MYO1H: variants seen among roughly 807,000 people sequenced by gnomAD.
The protein encoded by MYO1H is myosin IH, also known as unconventional myosin-Ih.
Under a neutral mutation model 149.3 loss-of-function variants are expected in MYO1H, and 118 were observed. The ratio of observed to expected loss-of-function variants is 0.79; its 90% confidence interval spans 0.68 to 0.92. MYO1H has a LOEUF of 0.92. Ranked by LOEUF, MYO1H falls within the 40% of genes least tolerant of loss-of-function variation. MYO1H has a pLI of 0.00. For missense variants in MYO1H, 1,212 were observed against 1,280.7 expected (o/e 0.95, Z 0.82); for synonymous variants, 447 against 465.2 (o/e 0.96, Z 0.50).
chr12:109,428,899 T>G (rs536342542), intron 19 of MYO1H, among the ~76,000 whole-genome samples: 1 of 152,266 alleles, frequency 6.6e-6, no homozygotes, highest in East Asian at 1.9e-4. Flanking sequence ...TGAGGCTCAT[T>G]CATTCTTTCC....
At chr12:109,428,065 T>C (rs1260448499) in intron 19 of MYO1H, among the ~76,000 whole-genome samples, 2 of 145,934 alleles carry the variant, frequency 1.4e-5, no homozygotes, top group African/African-American at 5.0e-5. Context: ...CCAGCCTGGG[T>C]GACAGAATGA....
chr12:109,408,853 A>G (rs189624664), intron 10 of MYO1H, among the ~76,000 whole-genome samples: 5 of 152,260 alleles, frequency 3.3e-5, no homozygotes, highest in Admixed American at 3.3e-4. Flanking sequence ...GCAGTGGCAC[A>G]ATCTTGGCTC....
At chr12:109,349,495 A>T (rs12824535) in intron 1 of MYO1H, among the ~76,000 whole-genome samples, 6 of 145,902 alleles carry the variant, frequency 4.1e-5, no homozygotes, top group Non-Finnish European at 9.0e-5. Context: ...TGACCCCCCC[A>T]CCAAAAAAAT....
intron 15 of MYO1H, 44 bp from the exon 16 acceptor site, chr12:109,420,937 G>A: frequency 9.9e-7 from 1 of 1,009,232 alleles, no homozygotes; most frequent in Non-Finnish European, 1.6e-6. Context: ...TGTATTTTTA[G>A]GCAGAGACAT....
the MYO1H span, among the ~76,000 whole-genome samples, chr12:109,339,653 G>A: frequency 1.3e-5 from 2 of 152,120 alleles, no homozygotes; most frequent in African/African-American, 2.4e-5. Flanking sequence ...AATTAGAAAA[G>A]GACCAACAAT....
chr12:109,420,951 T>C (rs767093089), intron 15 of MYO1H, 30 bp from the exon 16 acceptor site: 3 of 1,290,468 alleles, frequency 2.3e-6, no homozygotes. Flanking sequence ...GAGACATTGA[T>C]TCAAAAAATT....
chr12:109,439,865 G>A, intron 24 of MYO1H, 75 bp downstream of exon 24: 1 of 1,364,184 alleles, frequency 7.3e-7, no homozygotes, highest in Non-Finnish European at 1.0e-6. Flanking sequence ...GCATGTCTTT[G>A]TGCTGCCTCC....
At chr12:109,388,144 G>A (rs1869459011) in intron 1 of MYO1H, among the ~76,000 whole-genome samples, 1 of 151,924 alleles carries the variant, frequency 6.6e-6, no homozygotes, top group Admixed American at 6.5e-5. Context: ...TACAAAGTGA[G>A]TTTACACAAT....
chr12:109,434,727 T>C (rs947381327), intron 20 of MYO1H, among the ~76,000 whole-genome samples: 1 of 152,188 alleles, frequency 6.6e-6, no homozygotes, highest in African/African-American at 2.4e-5. Flanking sequence ...GGGAGCCTCT[T>C]TTAGCTCTGG....
intron 19 of MYO1H, among the ~76,000 whole-genome samples, chr12:109,427,890 AAAAAAAAAAAAAAAAAAAAATATAT>A (rs1424129264): frequency 3.6e-5 from 1 of 27,408 alleles, no homozygotes; most frequent in African/African-American, 1.2e-4. Context: ...ACAAAAAAAA[AAAAAAAAAAAAAAAAAAAAATATAT>A]ATATATATAT....
chr12:109,318,849 A>AAAGTGGATGTCTTACT, the MYO1H span, among the ~76,000 whole-genome samples: 5 of 151,980 alleles, frequency 3.3e-5, no homozygotes, highest in Non-Finnish European at 7.4e-5. Context: ...TTACATAGGA[A>AAAGTGGATGTCTTACT]TGTGCCAAAG....
chr12:109,375,043 C>T (rs193004194), intron 1 of MYO1H, among the ~76,000 whole-genome samples: 3 of 151,884 alleles, frequency 2.0e-5, no homozygotes, highest in African/African-American at 4.8e-5. Flanking sequence ...TTAGTAGAGA[C>T]GGGGTTTCGC....
intron 1 of MYO1H, among the ~76,000 whole-genome samples, chr12:109,376,429 T>C (rs1869088877): frequency 6.6e-6 from 1 of 152,246 alleles, no homozygotes; most frequent in South Asian, 2.1e-4. Flanking sequence ...AGTACTCCTT[T>C]CTTTTTGTTG....
chr12:109,405,004 A>C (rs186479951), intron 7 of MYO1H, among the ~76,000 whole-genome samples: 96 of 152,180 alleles, frequency 6.3e-4, no homozygotes, highest in African/African-American at 2.2e-3. Context: ...TGAGGCTAGC[A>C]GTTTGAGACT....
At position 109,443,677 on chromosome 12, in the gene MYO1H, T is replaced by C. The variant is rs1218173512; in HGVS notation, c.2824+28T>C. The C allele has an allele frequency of 1.9e-6, 3 of 1,611,402 alleles. No homozygotes were observed. The South Asian group carries it at 3.3e-5, about 18-fold the overall frequency. ...AAGAAGTGGGCAATCTTTAAAACAA[T>C]GCACTGAGTTGACTCAACTACTGGA... On this transcript the variant is annotated intron_variant, in intron 28 of 31. Transcript: ENST00000310903.
chr12:109,406,467 TAAAAAAAAAAAAAAAAAAA>T (rs56744077), intron 8 of MYO1H, among the ~76,000 whole-genome samples: 5 of 43,644 alleles, frequency 1.1e-4, no homozygotes, highest in African/African-American at 4.9e-4. Context: ...CCCTATCTCT[TAAAAAAAAAAAAAAAAAAA>T]AAAAAAAAAA....
intron 16 of MYO1H, among the ~76,000 whole-genome samples, chr12:109,424,315 C>G (rs1427531750): frequency 3.3e-5 from 5 of 152,080 alleles, no homozygotes; most frequent in African/African-American, 1.2e-4. Flanking sequence ...TGCACACCAC[C>G]ACACCTGGCT....
At chr12:109,421,082 GA>G in intron 16 of MYO1H, 55 bp downstream of exon 16, 1 of 1,235,894 alleles carries the variant, frequency 8.1e-7, no homozygotes, top group Non-Finnish European at 1.2e-6. Context: ...TATTACCCAT[GA>G]TAGTGATTTT....
chr12:109,380,286 C>T (rs1869176647), intron 1 of MYO1H, among the ~76,000 whole-genome samples: 1 of 151,942 alleles, frequency 6.6e-6, no homozygotes, highest in Admixed American at 6.6e-5. Context: ...CTGAATATGC[C>T]CTAATTTATT....
Sources: allele counts gnomAD v4.1 joint callset (sites outside exome capture counted in the v4.1 genomes callset), GRCh38; gene constraint gnomAD v4.1.1; transcripts MANE v1.5; gene names NCBI Gene and HGNC (gene_info 2026-07-23, HGNC 2026-07-21).